LAMC3: variants seen among roughly 807,000 people sequenced by gnomAD.
LAMC3 encodes laminin subunit gamma-3.
Under a neutral mutation model 173.8 loss-of-function variants are expected in LAMC3, and 128 were observed. The ratio of observed to expected loss-of-function variants is 0.74; its 90% CI spans 0.64 to 0.85. LAMC3 has a LOEUF of 0.85. Among genes scored for constraint, LAMC3 ranks in the 40% least tolerant of loss-of-function variants. The pLI is 0.00. For synonymous variants in LAMC3, 897 were observed against 909.1 expected (o/e 0.99, Z 0.24); for missense variants, 2,022 against 2,156.0 (o/e 0.94, Z 1.23).
chr9:131,032,042 C>G lies in LAMC3; in HGVS notation c.679-3C>G, dbSNP rs1198881581. ...TGATGGCACCCTCTCCCCTCTGCCC[C>G]AGGAGTGGGTCACCAGCACCGAACT... On this transcript the variant is annotated splice_polypyrimidine_tract_variant and splice_region_variant and intron_variant, in intron 2 of 27. Coordinates refer to ENST00000361069, the MANE Select transcript of LAMC3 (RefSeq NM_006059.4). 1 of 1,614,086 alleles carries G rather than the reference C, an allele frequency of 6.2e-7. No homozygotes were observed. Among genetic ancestry groups the G allele is most frequent in the Non-Finnish European group, 8.5e-7 (1 of 1,179,968 alleles).
intron 4 of LAMC3, among the ~76,000 whole-genome samples, chr9:131,038,026 C>G (rs1833975792): frequency 6.6e-6 from 1 of 152,146 alleles, no homozygotes; most frequent in South Asian, 2.1e-4. Context: ...TCATGGCACA[C>G]CCGCACCAGG....
intron 7 of LAMC3, among the ~76,000 whole-genome samples, chr9:131,042,737 A>G (rs1303314903): frequency 6.6e-6 from 1 of 151,482 alleles, no homozygotes; most frequent in Non-Finnish European, 1.5e-5. Context: ...CTAATGAAGC[A>G]CTACTACAAC....
chr9:131,041,159 G>A lies in LAMC3; in HGVS notation c.1284-478G>A, dbSNP rs1438619251. Among the ~76,000 whole-genome samples, 4 of 152,082 alleles carry A rather than the reference G, an allele frequency of 2.6e-5. No individual in the cohort carries two copies. The South Asian group carries it at 6.2e-4, about 24-fold the overall frequency. On this transcript the variant is annotated intron_variant, in intron 6 of 27. Coordinates refer to ENST00000361069, the MANE Select transcript of LAMC3 (RefSeq NM_006059.4). Reference sequence around the variant, plus strand: ...AGGCAGGTGGATCACCTGAGGTCACGAGTTAAAGACCAGTCTAGCCAACAT... The same window carrying A: ...AGGCAGGTGGATCACCTGAGGTCACAAGTTAAAGACCAGTCTAGCCAACAT...
chr9:131,045,711 G>C lies in LAMC3; in HGVS notation c.1519+51G>C, dbSNP rs1308130885. The C allele has an allele frequency of 3.7e-6, 6 of 1,606,242 alleles. No homozygotes were observed. In the South Asian group the frequency reaches 6.6e-5, roughly 18 times the overall value. Reference sequence around the variant, plus strand: ...TCCCAAGGGTCTGCTCCCAGCCTAGGCAGGTGATCCTGCCCTGGGGAGATC... The same window carrying C: ...TCCCAAGGGTCTGCTCCCAGCCTAGCCAGGTGATCCTGCCCTGGGGAGATC... On this transcript the variant is annotated intron_variant, in intron 8 of 27. Coordinates refer to ENST00000361069, the MANE Select transcript of LAMC3 (RefSeq NM_006059.4).
intron 2 of LAMC3, among the ~76,000 whole-genome samples, chr9:131,028,855 G>A (rs1188193410): frequency 2.6e-5 from 4 of 152,082 alleles, no homozygotes; most frequent in African/African-American, 7.2e-5. Context: ...TAGAGACCTC[G>A]TCTCACTATG....
chr9:131,034,053 A>C (rs1833898409), intron 3 of LAMC3, among the ~76,000 whole-genome samples: 1 of 152,178 alleles, frequency 6.6e-6, no homozygotes, highest in Non-Finnish European at 1.5e-5. Flanking sequence ...CATGAGCTCC[A>C]GTGCCTCCTG....
intron 1 of LAMC3, among the ~76,000 whole-genome samples, chr9:131,010,004 T>A (rs2027174): frequency 0.2 from 29,729 of 150,412 alleles, 5,030 homozygotes; most frequent in African/African-American, 0.46. Flanking sequence ...AAATAGAAAA[T>A]TTGGCCGGGC....
chr9:131,032,598 C>G (rs377621968), intron 3 of LAMC3, among the ~76,000 whole-genome samples: 3,177 of 134,786 alleles, frequency 0.024, 139 homozygotes, highest in African/African-American at 0.1. Flanking sequence ...CTTTCTCACT[C>G]GCTTTCTCTC....
Position 131,085,715 on chromosome 9 carries a change from A to C in LAMC3, c.4222A>C (p.Ser1408Arg). 6.2e-7 allele frequency: 1 copy of C among 1,614,154 alleles called. No homozygotes were observed. The highest frequency in any genetic ancestry group is 1.1e-5 in the South Asian group (1 of 91,088). The change falls in exon 25 of 28, where the codon AGT (serine) becomes CGT (arginine). Residue 1408 changes from serine to arginine, a missense_variant. Ser to Arg is a moderately radical substitution (Grantham distance 110). Coordinates refer to ENST00000361069, the MANE Select transcript of LAMC3 (RefSeq NM_006059.4). Reference sequence around the variant, plus strand: ...AGAAGCAGAGGTGTTGGCCAAGGACAGTGCCAAGGTCAGGGTGGTGGCTGT... The same window carrying C: ...AGAAGCAGAGGTGTTGGCCAAGGACCGTGCCAAGGTCAGGGTGGTGGCTGT... Reference protein sequence around the residue: ...GREAEVLAKDSAKLAKALLRE... With the variant: ...GREAEVLAKDRAKLAKALLRE...
At position 131,052,889 on chromosome 9, in the gene LAMC3, C is replaced by T; in HGVS notation, c.1863C>T (p.Pro621=). 4 of 1,614,004 alleles carry T rather than the reference C, an allele frequency of 2.5e-6. No homozygotes were observed. The highest frequency in any genetic ancestry group is 3.4e-6 in the Non-Finnish European group (4 of 1,179,980). ...ETSEDVAPPL[P]PFHFQRLLAN... is the part of the protein sequence containing the mutation. ...CCGAGGACGTGGCCCCTCCACTGCCCCCCTTCCACTTCCAGCGGCTCCTCG... is the reference window on the plus strand; with the variant it reads ...CCGAGGACGTGGCCCCTCCACTGCCTCCCTTCCACTTCCAGCGGCTCCTCG... The change falls in exon 11 of 28, where the codon CCC becomes CCT. Residue 621 remains proline (P), a synonymous_variant. Coordinates refer to ENST00000361069, the MANE Select transcript of LAMC3 (RefSeq NM_006059.4).
chr9:131,016,915 G>A (rs930627746), intron 1 of LAMC3, among the ~76,000 whole-genome samples: 1 of 151,578 alleles, frequency 6.6e-6, no homozygotes, highest in African/African-American at 2.4e-5. Context: ...TTTAAAAACT[G>A]GAGAAAACAC....
At chr9:131,025,174 C>T (rs1588139496) in intron 1 of LAMC3, among the ~76,000 whole-genome samples, 2 of 152,156 alleles carry the variant, frequency 1.3e-5, no homozygotes, top group South Asian at 2.1e-4. Flanking sequence ...CCTCTCCGCC[C>T]GGCGCTCTCT....
chr9:131,082,901 G>A (rs1830265376), intron 24 of LAMC3, among the ~76,000 whole-genome samples: 1 of 152,196 alleles, frequency 6.6e-6, no homozygotes, highest in African/African-American at 2.4e-5. Context: ...CTGCCCGGAA[G>A]AGATGGAGCG....
chr9:131,027,274 G>A (rs1333343705), intron 2 of LAMC3, among the ~76,000 whole-genome samples: 2 of 152,250 alleles, frequency 1.3e-5, no homozygotes, highest in Admixed American at 6.5e-5. Flanking sequence ...AGGCGTGGAA[G>A]GGCCCAGGCC....
chr9:131,083,219 G>A (rs531996539), intron 24 of LAMC3, among the ~76,000 whole-genome samples: 2 of 152,276 alleles, frequency 1.3e-5, no homozygotes, highest in Admixed American at 6.5e-5. Context: ...ACAATGGGGG[G>A]CTCACTACCT....
At chr9:131,051,179 C>G (rs1001404943) in intron 9 of LAMC3, among the ~76,000 whole-genome samples, 3 of 152,282 alleles carry the variant, frequency 2.0e-5, no homozygotes, top group East Asian at 3.9e-4. Context: ...TCCCACCCCC[C>G]CAGTTCCCAA....
chr9:131,042,252 G>A (rs1239960848), intron 7 of LAMC3, among the ~76,000 whole-genome samples: 1 of 150,632 alleles, frequency 6.6e-6, no homozygotes, highest in Non-Finnish European at 1.5e-5. Context: ...CACTAACGGA[G>A]CACTATCACA....
intron 8 of LAMC3, among the ~76,000 whole-genome samples, chr9:131,046,179 CCT>C (rs1491256706): frequency 3.9e-5 from 5 of 129,272 alleles, no homozygotes. Context: ...GAGTTTTGCT[CCT>C]TTTTTTTTTT....
chr9:131,020,897 A>G (rs547491090), intron 1 of LAMC3, among the ~76,000 whole-genome samples: 21 of 152,264 alleles, frequency 1.4e-4, no homozygotes, highest in Middle Eastern at 3.4e-3. Context: ...TCTTTTGGGT[A>G]TATCCCCAGA....
Sources: gnomAD v4.1 joint callset for allele counts (sites outside exome capture counted in the v4.1 genomes callset) on GRCh38, gnomAD v4.1.1 for gene constraint, MANE v1.5 for transcripts, NCBI Gene and HGNC (gene_info 2026-07-23, HGNC 2026-07-21) for gene names.